Variants in TRPM1 observed in about 807,000 individuals in gnomAD.
The protein encoded by TRPM1 is transient receptor potential cation channel subfamily M member 1, also known as TRPM1-203 APA Isoform, Intron 10.
Under a neutral mutation model 149.4 loss-of-function variants are expected in TRPM1, and 113 were observed. That is an observed-to-expected ratio of 0.76 (90% CI 0.65 to 0.88). TRPM1 has a LOEUF of 0.88. TRPM1 is among the 40% of genes least tolerant of loss of function. TRPM1 has a pLI of 0.00. For synonymous variants in TRPM1, 741 were observed against 759.5 expected, an observed-to-expected ratio of 0.98 and a Z score of 0.40; for missense variants, 1,976 against 2,038.7, an observed-to-expected ratio of 0.97 and a Z score of 0.59.
At chr15:31,145,375 C>T (rs2036212650) in intron 1 of TRPM1, among the ~76,000 whole-genome samples, 1 of 152,122 alleles carries the variant, frequency 6.6e-6, no homozygotes, top group Non-Finnish European at 1.5e-5. Context: ...TTACTTATGC[C>T]TGCCTCTTTC....
intron 1 of TRPM1, among the ~76,000 whole-genome samples, chr15:31,146,574 G>T (rs73377636): frequency 0.048 from 7,243 of 152,290 alleles, 561 homozygotes; most frequent in African/African-American, 0.17. Flanking sequence ...CAGTCAGCAT[G>T]ATAATGAAGT....
chr15:31,091,743 T>G (rs778836672), intron 1 of TRPM1, among the ~76,000 whole-genome samples: 2 of 152,218 alleles, frequency 1.3e-5, no homozygotes, highest in Non-Finnish European at 2.9e-5. Flanking sequence ...TGACTCATGG[T>G]CAGTGTCTGG....
chr15:31,016,709 C>T (rs375638978), intron 27 of TRPM1, among the ~76,000 whole-genome samples: 25 of 152,258 alleles, frequency 1.6e-4, no homozygotes, highest in African/African-American at 6.0e-4. Context: ...CCCAATTAAT[C>T]ATTCTCCTGA....
intron 3 of TRPM1, among the ~76,000 whole-genome samples, chr15:31,070,846 C>A (rs1235077270): frequency 5.3e-5 from 8 of 152,196 alleles, no homozygotes; most frequent in South Asian, 2.1e-4. Flanking sequence ...TAGGTGTCAG[C>A]CAAATTTTTC....
In TRPM1 at chr15:31,050,560, G is replaced by A. The variant is rs747756548; in HGVS notation, c.1286C>T (p.Pro429Leu). ...HWPPLGSLAP[P>L]TDSKATEKEK... ...CTTCTCCGTGGCTTTGCTGTCCGTC[G>A]GGGGTGCCAGGCTTCCCAGGGGCTG... Residue 429 changes from proline to leucine, a missense_variant, in exon 12 of 28, where the codon CCG becomes CTG. Pro to Leu is a moderately conservative substitution (Grantham distance 98). This residue lies in a region of TRPM1 where 1,332 missense variants were observed against 1,347.1 expected (regional missense o/e 0.99). Transcript: ENST00000256552. The A allele has an allele frequency of 5.6e-6, 9 of 1,613,500 alleles. No individual in the cohort carries two copies. Among genetic ancestry groups the A allele is most frequent in the Admixed American group, 3.3e-5 (2 of 59,990 alleles).
intron 1 of TRPM1, among the ~76,000 whole-genome samples, chr15:31,084,676 CT>C (rs59470983): frequency 0.29 from 37,446 of 127,842 alleles, 3,741 homozygotes; most frequent in South Asian, 0.38. Context: ...TTTTTCTTTT[CT>C]TTTTTTTTTT....
intron 11 of TRPM1, among the ~76,000 whole-genome samples, chr15:31,051,556 G>T (rs1241755418): frequency 6.6e-6 from 1 of 152,174 alleles, no homozygotes; most frequent in Non-Finnish European, 1.5e-5. Context: ...TGGCTTCTTG[G>T]GCATCACAAG....
At chr15:31,113,553 G>GTTT (rs368699771) in intron 1 of TRPM1, among the ~76,000 whole-genome samples, 7 of 147,410 alleles carry the variant, frequency 4.7e-5, no homozygotes, top group African/African-American at 1.3e-4. Context: ...CTCCTAAAAT[G>GTTT]TTTTTTTTTA....
At chr15:31,087,786 A>G (rs1409875734) in intron 1 of TRPM1, among the ~76,000 whole-genome samples, 1 of 152,188 alleles carries the variant, frequency 6.6e-6, no homozygotes. Flanking sequence ...TTGCTGTGTG[A>G]TGTGCGGTAC....
intron 11 of TRPM1, among the ~76,000 whole-genome samples, chr15:31,053,100 G>A (rs913094377): frequency 6.6e-6 from 1 of 152,104 alleles, no homozygotes; most frequent in Non-Finnish European, 1.5e-5. Context: ...TCAAAAATAG[G>A]CAAGAGACTT....
intron 22 of TRPM1, chr15:31,031,443 C>A: frequency 2.0e-6 from 1 of 495,516 alleles, no homozygotes. Flanking sequence ...GTAACTACAA[C>A]TGCAAATGGA....
At chr15:31,154,867 A>T (rs1317972548) in intron 1 of TRPM1, among the ~76,000 whole-genome samples, 2 of 151,916 alleles carry the variant, frequency 1.3e-5, no homozygotes, top group Non-Finnish European at 2.9e-5. Context: ...ACAGGATGAC[A>T]GGTCTGACTC....
intron 1 of TRPM1, among the ~76,000 whole-genome samples, chr15:31,143,535 C>A (rs1482609434): frequency 1.3e-5 from 2 of 152,140 alleles, no homozygotes; most frequent in African/African-American, 2.4e-5. Flanking sequence ...CTACCTCCGC[C>A]TCCTGAGTAG....
At chr15:31,155,861 T>C (rs2036366953) in intron 1 of TRPM1, among the ~76,000 whole-genome samples, 1 of 152,134 alleles carries the variant, frequency 6.6e-6, no homozygotes, top group Non-Finnish European at 1.5e-5. Context: ...TAATGTGACT[T>C]ACTTTCCAAC....
intron 17 of TRPM1, 139 bp downstream of exon 17, chr15:31,041,812 T>TGACA: frequency 1.0e-6 from 1 of 962,866 alleles, no homozygotes; most frequent in Non-Finnish European, 1.6e-6. Context: ...AATGCTGACA[T>TGACA]GACAGACGAA....
upstream of TRPM1, among the ~76,000 whole-genome samples, chr15:31,105,857 T>C (rs1020426105): frequency 2.6e-5 from 4 of 152,210 alleles, no homozygotes; most frequent in Admixed American, 2.0e-4. Context: ...ACGCTGGCAA[T>C]GTCTGAGAAT....
chr15:31,047,895 C>G lies in TRPM1; in HGVS notation c.1617G>C (p.Val539=), dbSNP rs2033825934. Residue 539 remains valine, a synonymous_variant, in exon 14 of 28, where the codon GTG becomes GTC. Coordinates refer to ENST00000256552, the MANE Select transcript of TRPM1 (RefSeq NM_001252024.2). ...TGTAAAACAGTAGACTGACCTTTTT[C>G]ACATCCCTCACCAGCAGATGAAGTG... ...PNTLHLLVRD[V]KKSNLPPDYH... 2 of 1,613,084 alleles carry G rather than the reference C, an allele frequency of 1.2e-6. No individual in the cohort carries two copies. Among genetic ancestry groups the G allele is most frequent in the African/African-American group, 1.3e-5 (1 of 74,914 alleles).
chr15:31,063,539 C>T (rs1405591659), intron 7 of TRPM1, among the ~76,000 whole-genome samples: 1 of 152,108 alleles, frequency 6.6e-6, no homozygotes, highest in African/African-American at 2.4e-5. Flanking sequence ...CTCACTGCAG[C>T]CTCAACCTCC....
chr15:31,018,817 C>T (rs577207534), intron 27 of TRPM1, among the ~76,000 whole-genome samples: 4 of 152,226 alleles, frequency 2.6e-5, no homozygotes, highest in African/African-American at 4.8e-5. Flanking sequence ...CCACTACACC[C>T]GGCTAATTTT....
Sources: gnomAD v4.1 joint callset for allele counts (sites outside exome capture counted in the v4.1 genomes callset) on GRCh38, gnomAD v4.1.1 for gene constraint, gnomAD v4.1.1 regional missense constraint, MANE v1.5 for transcripts, NCBI Gene and HGNC (gene_info 2026-07-23, HGNC 2026-07-21) for gene names.